The following RFX8 variants were observed in gnomAD, a reference collection of about 807,000 sequenced individuals.
The protein encoded by RFX8 is DNA-binding protein RFX8.
In RFX8, 46 loss-of-function variants were observed where a neutral mutation model predicts 54.6. The observed-to-expected ratio is 0.84, with a 90% CI of 0.67 to 1.08. The LOEUF is 1.08. RFX8 is among the 50% of genes least tolerant of loss of function. The probability of loss-of-function intolerance (pLI) is 0.00; values close to 1 mark genes in which losing one functional copy is unlikely to be tolerated. For missense variants in RFX8, 536 were observed against 562.3 expected, an observed-to-expected ratio of 0.95 and a Z score of 0.47; for synonymous variants, 192 against 209.5, an observed-to-expected ratio of 0.92 and a Z score of 0.72.
chr2:101,461,279 A>AAAAAAAAAAAAG (rs1553459153), intron 2 of RFX8, among the ~76,000 whole-genome samples: 1 of 124,774 alleles, frequency 8.0e-6, no homozygotes, highest in African/African-American at 3.2e-5. Flanking sequence ...AAAAAAAAAA[A>AAAAAAAAAAAAG]AAAGAAAGAA....
intron 2 of RFX8, among the ~76,000 whole-genome samples, chr2:101,454,231 C>CA (rs1339875772): frequency 2.0e-5 from 3 of 152,078 alleles, no homozygotes; most frequent in Admixed American, 6.6e-5. Flanking sequence ...ATGAACTCAT[C>CA]TTTTTTATGG....
At chr2:101,442,358 T>C (rs1688143655) in intron 2 of RFX8, among the ~76,000 whole-genome samples, 1 of 152,192 alleles carries the variant, frequency 6.6e-6, no homozygotes, top group Non-Finnish European at 1.5e-5. Flanking sequence ...TACTCCAACA[T>C]TCCTTCTATT....
intron 2 of RFX8, among the ~76,000 whole-genome samples, chr2:101,432,384 G>A (rs561236570): frequency 1.3e-5 from 2 of 152,236 alleles, no homozygotes; most frequent in Admixed American, 6.5e-5. Context: ...CACCCTGAGT[G>A]TCTGGCAGAT....
chr2:101,466,098 T>C (rs1407937596), intron 2 of RFX8, among the ~76,000 whole-genome samples: 3 of 152,140 alleles, frequency 2.0e-5, no homozygotes, highest in Non-Finnish European at 4.4e-5. Flanking sequence ...TAAGTAAAAT[T>C]GAAATCCACA....
intron 2 of RFX8, among the ~76,000 whole-genome samples, chr2:101,460,141 C>T (rs1369611028): frequency 1.3e-5 from 2 of 152,106 alleles, no homozygotes; most frequent in Non-Finnish European, 2.9e-5. Context: ...TTTCCAGGTA[C>T]AGTCTGTCAT....
At chr2:101,465,590 C>T (rs1664714591) in intron 2 of RFX8, among the ~76,000 whole-genome samples, 1 of 152,242 alleles carries the variant, frequency 6.6e-6, no homozygotes, top group Non-Finnish European at 1.5e-5. Flanking sequence ...AGAATAACTA[C>T]TCTTGGGTTC....
At chr2:101,409,333 G>C (rs182867019) in intron 9 of RFX8, among the ~76,000 whole-genome samples, 1 of 151,216 alleles carries the variant, frequency 6.6e-6, no homozygotes, top group Non-Finnish European at 1.5e-5. Context: ...AGTGATTCTC[G>C]TGCCTCAGCC....
rs1007358869 is a variant in RFX8, at chr2:101,414,853, C to A, written c.561+1G>T. 48 of 1,549,788 alleles carry A rather than the reference C, an allele frequency of 3.1e-5. No homozygotes were observed. Among genetic ancestry groups the A allele is most frequent in the Non-Finnish European group, 4.0e-5 (46 of 1,145,786 alleles). The stretch of plus-strand genomic sequence containing the variant: ...CTCCTATCTGCTTGGCTGAAGCCTA[C>A]CTTAGCCATGTTGGAAAGGTACGTC... On this transcript the variant is annotated splice_donor_variant, in intron 7 of 11. Transcript: ENST00000428343. LOFTEE classifies it high-confidence loss of function.
Position 101,397,372 on chromosome 2 carries a change from C to G in RFX8, c.*176G>C. 1 of 390,008 alleles carries G rather than the reference C, an allele frequency of 2.6e-6. No individual in the cohort carries two copies. Among genetic ancestry groups the G allele is most frequent in the Non-Finnish European group, 4.4e-6 (1 of 225,458 alleles). 24.2% of individuals were successfully genotyped at this position (390,008 alleles called of 1,614,324 possible). A position where few individuals can be genotyped will look rare whatever the true frequency, so the allele number is the denominator to read the frequency against. ...CAGAGGCAAAAATTATTCTCCAAATCAGTTTACATATTTTATCGAAACCAC... is the reference window on the plus strand; with the variant it reads ...CAGAGGCAAAAATTATTCTCCAAATGAGTTTACATATTTTATCGAAACCAC... On this transcript the variant is annotated 3_prime_UTR_variant, in exon 12 of 12. Transcript: ENST00000428343.
intron 10 of RFX8, among the ~76,000 whole-genome samples, chr2:101,403,845 A>G (rs929024371): frequency 3.3e-5 from 5 of 152,238 alleles, no homozygotes; most frequent in African/African-American, 9.6e-5. Context: ...TAATTAAATG[A>G]TGTATTACAT....
chr2:101,431,272 C>T (rs1687470097), intron 2 of RFX8, among the ~76,000 whole-genome samples: 1 of 152,156 alleles, frequency 6.6e-6, no homozygotes, highest in African/African-American at 2.4e-5. Context: ...AGGTTATAGC[C>T]TATTGGGGAG....
In RFX8 at chr2:101,437,555, C is replaced by A. The variant is rs573151265; in HGVS notation, c.73-15083G>T. 1.1e-4 allele frequency among the ~76,000 whole-genome samples: 17 copies of A among 151,242 alleles called. No homozygotes were observed. In the South Asian group the frequency reaches 3.6e-3, roughly 32 times the overall value. ...ATCATGCCACGTGACCACACTCCAG[C>A]CTGGGCAACAGGTGTTTCAAAAAAA... is the stretch of plus-strand genomic sequence containing the variant. On this transcript the variant is annotated intron_variant, in intron 2 of 11. Coordinates refer to ENST00000428343, the MANE Select transcript of RFX8 (RefSeq NM_001145664.2).
Position 101,461,125 on chromosome 2 carries a change from C to T in RFX8, c.72+5652G>A, listed in dbSNP as rs528107319. Reference sequence around the variant, plus strand: ...CTACTAAAATACAAAAAAAAATTGCCGGGCATGGTAGCGGGCACCTGTAGT... The same window carrying T: ...CTACTAAAATACAAAAAAAAATTGCTGGGCATGGTAGCGGGCACCTGTAGT... On this transcript the variant is annotated intron_variant, in intron 2 of 11. Transcript: ENST00000428343. 2.9e-3 allele frequency among the ~76,000 whole-genome samples: 438 copies of T among 151,352 alleles called. 2 individuals carry two copies. The highest frequency in any genetic ancestry group is 9.8e-3 in the African/African-American group (403 of 41,314).
At chr2:101,420,555 A>AC (rs1014117599) in intron 4 of RFX8, among the ~76,000 whole-genome samples, 23 of 140,044 alleles carry the variant, frequency 1.6e-4, no homozygotes, top group African/African-American at 5.5e-4. Context: ...ACACACACAC[A>AC]AAAAAGAAAA....
At chr2:101,416,648 A>G (rs1686529212) in intron 6 of RFX8, among the ~76,000 whole-genome samples, 1 of 152,198 alleles carries the variant, frequency 6.6e-6, no homozygotes, top group South Asian at 2.1e-4. Context: ...GCTGCAGGCA[A>G]TGATAGCAAA....
chr2:101,417,404 C>T, intron 6 of RFX8, 130 bp downstream of exon 6: 1 of 772,148 alleles, frequency 1.3e-6, no homozygotes, highest in Non-Finnish European at 2.0e-6. Flanking sequence ...CAGGATCTCA[C>T]TATGTTGCCC....
At chr2:101,438,036 CCT>C (rs869026384) in intron 2 of RFX8, among the ~76,000 whole-genome samples, 7 of 61,070 alleles carry the variant, frequency 1.1e-4, no homozygotes, top group South Asian at 5.6e-4. Flanking sequence ...ATAGTTTGTT[CCT>C]CTTTTTTTTT....
intron 1 of RFX8, among the ~76,000 whole-genome samples, chr2:101,470,587 G>A (rs79290180): frequency 0.077 from 11,684 of 152,050 alleles, 780 homozygotes; most frequent in Non-Finnish European, 0.11. Flanking sequence ...CAGACAAGGT[G>A]GATTATTAAG....
At chr2:101,411,243 C>T (rs558114427) in intron 8 of RFX8, among the ~76,000 whole-genome samples, 1 of 152,338 alleles carries the variant, frequency 6.6e-6, no homozygotes, top group Non-Finnish European at 1.5e-5. Flanking sequence ...AGCCTTTGGC[C>T]TTCCCAGCTT....
Sources: allele counts gnomAD v4.1 joint callset (sites outside exome capture counted in the v4.1 genomes callset), GRCh38; gene constraint gnomAD v4.1.1; transcripts MANE v1.5; gene names NCBI Gene and HGNC (gene_info 2026-07-23, HGNC 2026-07-21).